Variants in TENT4B observed in about 807,000 individuals in gnomAD.
The protein encoded by TENT4B is PAP associated domain containing 5.
In TENT4B, 10 loss-of-function variants were observed where a neutral mutation model predicts 75.0. The ratio of observed to expected loss-of-function variants is 0.13; its 90% CI spans 0.08 to 0.23. The LOEUF (loss-of-function observed/expected upper bound fraction) is 0.23. TENT4B is among the 10% of genes least tolerant of loss of function. The pLI is 1.00. For missense variants in TENT4B, 579 were observed against 893.8 expected, an observed-to-expected ratio of 0.65 and a Z score of 4.49; for synonymous variants, 350 against 357.7, an observed-to-expected ratio of 0.98 and a Z score of 0.24.
At chr16:50,173,196 G>T (rs542205487) in intron 1 of TENT4B, among the ~76,000 whole-genome samples, 1 of 152,152 alleles carries the variant, frequency 6.6e-6, no homozygotes, top group South Asian at 2.1e-4. Flanking sequence ...CACCCACCTC[G>T]GCCTCCCAAA....
intron 1 of TENT4B, among the ~76,000 whole-genome samples, chr16:50,155,799 T>C (rs548833115): frequency 6.6e-6 from 1 of 152,126 alleles, no homozygotes; most frequent in African/African-American, 2.4e-5. Context: ...ACAAGCAAAT[T>C]GATGTTGAGG....
chr16:50,179,789 T>A (rs2038377501), intron 1 of TENT4B, among the ~76,000 whole-genome samples: 1 of 152,232 alleles, frequency 6.6e-6, no homozygotes, highest in African/African-American at 2.4e-5. Context: ...ATCCAGGGTT[T>A]CTTAGCCCTA....
At position 50,154,181 on chromosome 16, in the gene TENT4B, G is replaced by A; in HGVS notation, c.560G>A (p.Gly187Asp). 4.6e-6 allele frequency: 7 copies of A among 1,508,778 alleles called. No individual in the cohort carries two copies. Among genetic ancestry groups the A allele is most frequent in the Non-Finnish European group, 6.2e-6 (7 of 1,136,412 alleles). The allele number at this position is 1,508,778 out of a possible 1,614,324, so 93.5% of individuals were successfully genotyped here. A position where few individuals can be genotyped will look rare whatever the true frequency, so the allele number is the denominator to read the frequency against. The change falls in exon 1 of 12, where the codon GGC becomes GAC. Residue 187 changes from glycine (G) to aspartate (D), a missense_variant. Physicochemically the swap from Gly to Asp is moderately conservative, Grantham distance 94 (BLOSUM62 -1). Transcript: ENST00000561678. The part of the protein sequence containing the change: ...LQPSGGRAAG[G>D]GRADGGGVVY... ...CCCAGCGGAGGGCGGGCCGCGGGGG[G>A]CGGCCGAGCAGACGGCGGCGGGGTC...
intron 2 of TENT4B, among the ~76,000 whole-genome samples, chr16:50,213,994 T>C (rs957853757): frequency 1.3e-5 from 2 of 152,236 alleles, no homozygotes; most frequent in Non-Finnish European, 2.9e-5. Flanking sequence ...TATTTTGGTC[T>C]ATGTGTTTCA....
At chr16:50,172,222 G>A (rs2038219029) in intron 1 of TENT4B, among the ~76,000 whole-genome samples, 1 of 151,988 alleles carries the variant, frequency 6.6e-6, no homozygotes, top group African/African-American at 2.4e-5. Flanking sequence ...GGCATAGGTG[G>A]TGCATGCCTG....
intron 1 of TENT4B, among the ~76,000 whole-genome samples, chr16:50,206,901 A>G (rs1354853949): frequency 9.2e-5 from 6 of 65,264 alleles, no homozygotes; most frequent in African/African-American, 3.9e-4. Context: ...TCCTCAGAAC[A>G]GAAGTTTGTT....
Position 50,230,479 on chromosome 16 carries a change from G to T in TENT4B, c.*1151G>T. 1.0e-6 allele frequency: 1 copy of T among 982,752 alleles called. No individual in the cohort carries two copies. The highest frequency in any genetic ancestry group is 1.2e-6 in the Non-Finnish European group (1 of 827,228). The allele number at this position is 982,752 out of a possible 1,614,324, so 60.9% of individuals were successfully genotyped here. ...TACTGTGGGAGAATAACTGTAAACA[G>T]CTTTAATTAAATCATACTTATAAAA... is the stretch of plus-strand genomic sequence containing the variant. On this transcript the variant is annotated 3_prime_UTR_variant, in exon 12 of 12. Transcript: ENST00000561678.
intron 1 of TENT4B, among the ~76,000 whole-genome samples, chr16:50,156,101 A>G (rs2037894127): frequency 1.3e-5 from 2 of 152,128 alleles, no homozygotes; most frequent in Admixed American, 1.3e-4. Flanking sequence ...AGGAATTTTC[A>G]TTTCCCGGAG....
chr16:50,229,042 A>G (rs537421446), intron 11 of TENT4B, 110 bp from the exon 12 acceptor site: 18 of 1,521,796 alleles, frequency 1.2e-5, no homozygotes, highest in Middle Eastern at 2.2e-4. Context: ...TAAGGTAACA[A>G]TCTAGCCAGC....
chr16:50,233,102 C>G lies in TENT4B; in HGVS notation c.*3774C>G, dbSNP rs538616304. The G allele has an allele frequency of 1.0e-6, 1 of 983,716 alleles. No homozygotes were observed. Among genetic ancestry groups the G allele is most frequent in the Admixed American group, 6.1e-5 (1 of 16,278 alleles). The allele number at this position is 983,716 out of a possible 1,614,324, so 60.9% of individuals were successfully genotyped here. On this transcript the variant is annotated 3_prime_UTR_variant, in exon 12 of 12. Coordinates refer to ENST00000561678, the MANE Select transcript of TENT4B (RefSeq NM_001365324.3). ...CAAAATATTCTATAAATGCGTCTAA[C>G]AAACCTAATTGAATATAAAAGTTAT...
chr16:50,171,272 G>A (rs1489374262), intron 1 of TENT4B, among the ~76,000 whole-genome samples: 1 of 152,150 alleles, frequency 6.6e-6, no homozygotes, highest in African/African-American at 2.4e-5. Context: ...GTGGTGGCAT[G>A]CACCTGTAGT....
chr16:50,210,217 C>T (rs2031206146), intron 1 of TENT4B, among the ~76,000 whole-genome samples: 1 of 152,212 alleles, frequency 6.6e-6, no homozygotes, highest in African/African-American at 2.4e-5. Context: ...TTTCCCTTCC[C>T]AGCCATAGCT....
rs544929281 is a variant in TENT4B, at chr16:50,224,254, A to G, written c.1382-403A>G. On this transcript the variant is annotated intron_variant, in intron 7 of 11. Transcript: ENST00000561678. Reference sequence around the variant, plus strand: ...AAGGACACGAAGACTTTTCAGCAAGACGATCCTTGCTTTTTAGGGGCTCAT... The same window carrying G: ...AAGGACACGAAGACTTTTCAGCAAGGCGATCCTTGCTTTTTAGGGGCTCAT... 7.9e-4 allele frequency among the ~76,000 whole-genome samples: 121 copies of G among 152,322 alleles called. 2 individuals carry two copies. Among genetic ancestry groups the G allele is most frequent in the African/African-American group, 2.3e-3 (95 of 41,558 alleles).
intron 3 of TENT4B, among the ~76,000 whole-genome samples, chr16:50,215,641 T>C (rs1173739604): frequency 6.6e-6 from 1 of 152,156 alleles, no homozygotes; most frequent in Non-Finnish European, 1.5e-5. Context: ...TAAAAGGACA[T>C]GTGTGTATAT....
At chr16:50,170,808 A>G (rs918633289) in intron 1 of TENT4B, among the ~76,000 whole-genome samples, 3 of 152,060 alleles carry the variant, frequency 2.0e-5, no homozygotes, top group Non-Finnish European at 4.4e-5. Context: ...CTGGGACTAC[A>G]GGTGCGGGCC....
chr16:50,195,536 T>C (rs2030173189), intron 1 of TENT4B, among the ~76,000 whole-genome samples: 1 of 152,198 alleles, frequency 6.6e-6, no homozygotes, highest in Non-Finnish European at 1.5e-5. Flanking sequence ...GGAATGATAC[T>C]GGACAATTAT....
intron 1 of TENT4B, among the ~76,000 whole-genome samples, chr16:50,170,546 A>AC (rs2038186473): frequency 2.0e-5 from 3 of 152,178 alleles, no homozygotes; most frequent in Non-Finnish European, 4.4e-5. Flanking sequence ...TGGCCCCTGT[A>AC]AGGGAAGGCT....
At chr16:50,164,748 G>C (rs2038067446) in intron 1 of TENT4B, among the ~76,000 whole-genome samples, 1 of 151,956 alleles carries the variant, frequency 6.6e-6, no homozygotes, top group Non-Finnish European at 1.5e-5. Context: ...TAAAAAAAAA[G>C]GTTTTACTGG....
chr16:50,155,323 TG>T (rs2037877596), intron 1 of TENT4B, among the ~76,000 whole-genome samples: 1 of 110,338 alleles, frequency 9.1e-6, no homozygotes, highest in Admixed American at 9.1e-5. Context: ...AGCTTGAGTA[TG>T]GAGAACCGGC....
Sources: allele counts gnomAD v4.1 joint callset (sites outside exome capture counted in the v4.1 genomes callset), GRCh38; gene constraint gnomAD v4.1.1; transcripts MANE v1.5; gene names NCBI Gene and HGNC (gene_info 2026-07-23, HGNC 2026-07-21).